Variants in ZNF521 observed in about 807,000 individuals in gnomAD.
ZNF521 encodes zinc finger protein 521, also known as LYST-interacting protein 3.
Under a neutral mutation model 105.5 loss-of-function variants are expected in ZNF521, and 14 were observed. The observed-to-expected ratio is 0.13, with a 90% CI of 0.09 to 0.21. The LOEUF is 0.21. Among genes scored for constraint, ZNF521 ranks in the 10% least tolerant of loss-of-function variants. The pLI is 1.00. For missense variants in ZNF521, 1,233 were observed against 1,629.7 expected (o/e 0.76, Z 4.19); for synonymous variants, 635 against 606.0 (o/e 1.05, Z -0.70).
chr18:25,259,648 A>G (rs1235336209), intron 3 of ZNF521, among the ~76,000 whole-genome samples: 1 of 152,102 alleles, frequency 6.6e-6, no homozygotes, highest in East Asian at 1.9e-4. Flanking sequence ...CCATCCACGC[A>G]TTGGGCAATA....
rs1438758019 is a variant in ZNF521, at chr18:25,328,222, T to C, written c.41-6035A>G. ...AATCGCACTGTTGAAGTTTAGACTTTCTGTGGTTTTGCTTGATTGTTCTAC... is the reference window on the plus strand; with the variant it reads ...AATCGCACTGTTGAAGTTTAGACTTCCTGTGGTTTTGCTTGATTGTTCTAC... On this transcript the variant is annotated intron_variant, in intron 2 of 7. Coordinates refer to ENST00000361524, the MANE Select transcript of ZNF521 (RefSeq NM_015461.3). Among the ~76,000 whole-genome samples the C allele has an allele frequency of 2.0e-5, 3 of 152,210 alleles. No homozygotes were observed. In the South Asian group the frequency reaches 6.2e-4, roughly 31 times the overall value.
chr18:25,199,052 T>C (rs2035948268), intron 4 of ZNF521, among the ~76,000 whole-genome samples: 1 of 151,954 alleles, frequency 6.6e-6, no homozygotes, highest in South Asian at 2.1e-4. Context: ...ACATCACCAA[T>C]ATAGTATCTT....
At chr18:25,286,622 T>C (rs1910721155) in intron 3 of ZNF521, among the ~76,000 whole-genome samples, 1 of 152,256 alleles carries the variant, frequency 6.6e-6, no homozygotes, top group Non-Finnish European at 1.5e-5. Context: ...TCTCATAGAC[T>C]ATATATCTCT....
intron 7 of ZNF521, among the ~76,000 whole-genome samples, chr18:25,076,335 GA>G (rs776726105): frequency 5.3e-5 from 8 of 152,200 alleles, no homozygotes; most frequent in Non-Finnish European, 8.8e-5. Flanking sequence ...TTGGTTGGAA[GA>G]AAGACCTGTT....
chr18:25,150,803 C>G (rs2035031688), intron 5 of ZNF521, among the ~76,000 whole-genome samples: 1 of 151,968 alleles, frequency 6.6e-6, no homozygotes, highest in Non-Finnish European at 1.5e-5. Flanking sequence ...CTCTAAATCT[C>G]TTGGGCTAGT....
At chr18:25,246,752 G>A (rs1907752242) in intron 3 of ZNF521, among the ~76,000 whole-genome samples, 1 of 152,190 alleles carries the variant, frequency 6.6e-6, no homozygotes, top group Non-Finnish European at 1.5e-5. Flanking sequence ...CCCCACCTAA[G>A]AGAGGATTCA....
intron 7 of ZNF521, among the ~76,000 whole-genome samples, chr18:25,064,595 C>G (rs1378232664): frequency 6.6e-6 from 1 of 152,102 alleles, no homozygotes; most frequent in Non-Finnish European, 1.5e-5. Context: ...GTTAAGGGAG[C>G]CATTGGAGTA....
At chr18:25,128,450 G>C (rs1460806720) in intron 5 of ZNF521, among the ~76,000 whole-genome samples, 1 of 151,834 alleles carries the variant, frequency 6.6e-6, no homozygotes, top group Non-Finnish European at 1.5e-5. Flanking sequence ...ATATCATACT[G>C]AAAGTTGTAG....
rs188714211 is a variant in ZNF521 at position 25,333,514 on chromosome 18, A to G, written c.41-11327T>C. Among the ~76,000 whole-genome samples, 402 of 152,116 alleles carry G rather than the reference A, an allele frequency of 2.6e-3. 2 individuals carry two copies. Among genetic ancestry groups the G allele is most frequent in the African/African-American group, 9.3e-3 (386 of 41,498 alleles). ...ACATTTGAAACCTTACATTTAGCCA[A>G]CACCACCCAAAAAAAAAGTACATCC... On this transcript the variant is annotated intron_variant, in intron 2 of 7. Coordinates refer to ENST00000361524, the MANE Select transcript of ZNF521 (RefSeq NM_015461.3).
In ZNF521 at chr18:25,074,055, TGTGTGCGCACGC is replaced by T. The variant is rs796282654; in HGVS notation, c.3907-11326_3907-11315del. ...GCGTGCATGTGTGTGTCTGTGCACATGTGTGCGCACGCGTGTGTGCGTGCGTGTGTGCACGCG... is the reference window on the plus strand; with the variant it reads ...GCGTGCATGTGTGTGTCTGTGCACATGTGTGTGCGTGCGTGTGTGCACGCG... On this transcript the variant is annotated intron_variant, in intron 7 of 7. Coordinates refer to ENST00000361524, the MANE Select transcript of ZNF521 (RefSeq NM_015461.3). Among the ~76,000 whole-genome samples, 192 of 106,028 alleles carry T rather than the reference TGTGTGCGCACGC, an allele frequency of 1.8e-3. 1 individual carries two copies. In the East Asian group the frequency reaches 0.038, roughly 21 times the overall value. The allele number at this position is 106,028 out of a possible 152,430, so 69.6% of individuals were successfully genotyped here. A position where few individuals can be genotyped will look rare whatever the true frequency, so the allele number is the denominator to read the frequency against.
At chr18:25,122,506 A>G (rs775850840) in intron 5 of ZNF521, among the ~76,000 whole-genome samples, 27 of 152,200 alleles carry the variant, frequency 1.8e-4, no homozygotes, top group Admixed American at 4.6e-4. Context: ...AATGTCTAAT[A>G]TTTATTTAAA....
intron 4 of ZNF521, among the ~76,000 whole-genome samples, chr18:25,220,488 C>T (rs1905643012): frequency 6.6e-6 from 1 of 152,132 alleles, no homozygotes; most frequent in South Asian, 2.1e-4. Flanking sequence ...TGGAGTTAAC[C>T]TGAACTCTAA....
At chr18:25,314,683 C>T (rs921962842) in intron 3 of ZNF521, among the ~76,000 whole-genome samples, 1 of 152,230 alleles carries the variant, frequency 6.6e-6, no homozygotes, top group African/African-American at 2.4e-5. Flanking sequence ...ACACACTCAT[C>T]TACCAATAGT....
At position 25,195,337 on chromosome 18, in the gene ZNF521, C is replaced by A. The variant is rs1450102270; in HGVS notation, c.3574-93G>T. ...ACATTTTTCTGAGATGCTGATCTTA[C>A]CTATGTTGCTAAGGAACAAACTAAA... On this transcript the variant is annotated intron_variant, in intron 4 of 7. Coordinates refer to ENST00000361524, the MANE Select transcript of ZNF521 (RefSeq NM_015461.3). 101 of 1,019,394 alleles carry A rather than the reference C, an allele frequency of 9.9e-5. No homozygotes were observed. In the South Asian group the frequency reaches 1.4e-3, roughly 14 times the overall value. 63.1% of individuals were successfully genotyped at this position (1,019,394 alleles called of 1,614,324 possible). A position where few individuals can be genotyped will look rare whatever the true frequency, so the allele number is the denominator to read the frequency against.
intron 5 of ZNF521, among the ~76,000 whole-genome samples, chr18:25,109,381 T>C (rs2034139151): frequency 6.6e-6 from 1 of 152,234 alleles, no homozygotes; most frequent in African/African-American, 2.4e-5. Context: ...GTTGATTCCA[T>C]TGCTTTGCCA....
At chr18:25,351,103 C>G (rs1385012161) in intron 1 of ZNF521, 156 bp from the exon 2 acceptor site, 2 of 283,990 alleles carry the variant, frequency 7.0e-6, no homozygotes, top group East Asian at 3.1e-4. Context: ...GGCTCCGGCT[C>G]GCGCTCGCGC....
chr18:25,274,505 A>G (rs1909906818), intron 3 of ZNF521, among the ~76,000 whole-genome samples: 1 of 152,222 alleles, frequency 6.6e-6, no homozygotes, highest in Non-Finnish European at 1.5e-5. Flanking sequence ...GGTTAATGGC[A>G]TATGAATAAA....
intron 2 of ZNF521, among the ~76,000 whole-genome samples, chr18:25,346,468 A>G (rs1914470238): frequency 6.6e-6 from 1 of 152,158 alleles, no homozygotes; most frequent in African/African-American, 2.4e-5. Context: ...TTTCCACTAG[A>G]GAATACAGCC....
At chr18:25,124,840 A>G (rs1440400612) in intron 5 of ZNF521, among the ~76,000 whole-genome samples, 1 of 152,172 alleles carries the variant, frequency 6.6e-6, no homozygotes. Flanking sequence ...ATTTTAAACC[A>G]TAGGTGTTAG....
Sources: gnomAD v4.1 joint callset for allele counts (sites outside exome capture counted in the v4.1 genomes callset) on GRCh38, gnomAD v4.1.1 for gene constraint, MANE v1.5 for transcripts, NCBI Gene and HGNC (gene_info 2026-07-23, HGNC 2026-07-21) for gene names.